OPCML: variants seen among roughly 807,000 people sequenced by gnomAD.
OPCML encodes the protein opioid binding protein/cell adhesion molecule like.
OPCML carries 13 observed loss-of-function variants against 37.8 expected under a neutral mutation model. That is an observed-to-expected ratio of 0.34 (90% CI 0.22 to 0.55). OPCML has a LOEUF of 0.55. Ranked by LOEUF, OPCML falls within the 20% of genes least tolerant of loss-of-function variation. OPCML has a pLI of 0.91. For missense variants in OPCML, 341 were observed against 435.6 expected (o/e 0.78, Z 1.93); for synonymous variants, 176 against 168.8 (o/e 1.04, Z -0.33).
At chr11:133,246,195 G>A (rs1940919312) in intron 1 of OPCML, among the ~76,000 whole-genome samples, 1 of 152,136 alleles carries the variant, frequency 6.6e-6, no homozygotes, top group Admixed American at 6.5e-5. Context: ...AAAATGAAGA[G>A]TTCAAAACTA....
intron 1 of OPCML, among the ~76,000 whole-genome samples, chr11:133,431,365 C>G (rs1343116096): frequency 6.6e-6 from 1 of 152,136 alleles, no homozygotes; most frequent in Non-Finnish European, 1.5e-5. Context: ...TTGAGAGAGA[C>G]ACAGCTATTT....
intron 1 of OPCML, among the ~76,000 whole-genome samples, chr11:133,225,176 C>T (rs1369540961): frequency 6.6e-6 from 1 of 152,192 alleles, no homozygotes; most frequent in Non-Finnish European, 1.5e-5. Flanking sequence ...GGCAATCAGG[C>T]ACTTTGCTAC....
At chr11:132,551,618 C>T (rs2096381839) in intron 3 of OPCML, among the ~76,000 whole-genome samples, 1 of 152,134 alleles carries the variant, frequency 6.6e-6, no homozygotes, top group Admixed American at 6.5e-5. Flanking sequence ...TGGCACCACC[C>T]AGTTTGATCA....
At chr11:133,414,666 C>T (rs1945723053) in intron 1 of OPCML, among the ~76,000 whole-genome samples, 1 of 152,134 alleles carries the variant, frequency 6.6e-6, no homozygotes, top group South Asian at 2.1e-4. Flanking sequence ...AGTTCTCAGG[C>T]TTTGACAACT....
intron 2 of OPCML, among the ~76,000 whole-genome samples, chr11:132,807,627 C>A (rs553465348): frequency 6.6e-6 from 1 of 152,310 alleles, no homozygotes; most frequent in African/African-American, 2.4e-5. Flanking sequence ...CTCTGAATAG[C>A]CTTCCAGTGA....
intron 3 of OPCML, among the ~76,000 whole-genome samples, chr11:132,544,873 C>T (rs74658686): frequency 0.015 from 2,321 of 152,178 alleles, 53 homozygotes; most frequent in African/African-American, 0.048. Flanking sequence ...TAACATTTCT[C>T]GCTGTACTCA....
At chr11:133,132,283 T>C (rs1594524) in intron 1 of OPCML, among the ~76,000 whole-genome samples, 50,704 of 152,022 alleles carry the variant, frequency 0.33, 10,280 homozygotes, top group African/African-American at 0.57. Flanking sequence ...AACAGATGCC[T>C]GACATCGTGA....
At position 132,440,474 on chromosome 11, in the gene OPCML, C is replaced by T. The variant is rs371848928; in HGVS notation, c.506-3115G>A. On this transcript the variant is annotated intron_variant, in intron 4 of 7. Coordinates refer to ENST00000524381, the MANE Select transcript of OPCML (RefSeq NM_001012393.5). ...CCCTGAGCAGTGAAGCTGTGATGCA[C>T]TGTGCCGCGCTGTTCGTGGGCTCTC... 5.9e-5 allele frequency among the ~76,000 whole-genome samples: 9 copies of T among 152,164 alleles called. No individual in the cohort carries two copies. In the East Asian group the frequency reaches 9.7e-4, roughly 16 times the overall value.
chr11:132,493,937 G>A (rs774824030), intron 4 of OPCML, among the ~76,000 whole-genome samples: 12 of 152,264 alleles, frequency 7.9e-5, no homozygotes, highest in South Asian at 6.2e-4. Context: ...AACAATTTCC[G>A]CTTGTTGTGG....
intron 4 of OPCML, among the ~76,000 whole-genome samples, chr11:132,502,245 C>G (rs1305750431): frequency 1.3e-5 from 2 of 152,190 alleles, no homozygotes; most frequent in Non-Finnish European, 2.9e-5. Context: ...GTTCTACAGG[C>G]TTCTCTCCAC....
intron 2 of OPCML, among the ~76,000 whole-genome samples, chr11:132,676,452 A>G (rs541062565): frequency 2.0e-3 from 306 of 152,150 alleles, no homozygotes; most frequent in Non-Finnish European, 3.5e-3. Context: ...ATAAAAATTA[A>G]CAACTTTTGT....
At chr11:132,963,480 TA>T (rs1461196520) in intron 1 of OPCML, among the ~76,000 whole-genome samples, 1 of 151,416 alleles carries the variant, frequency 6.6e-6, no homozygotes, top group Non-Finnish European at 1.5e-5. Flanking sequence ...TAATCCCAGC[TA>T]CTCAGGAGGC....
chr11:132,972,664 A>G (rs1946370132), intron 1 of OPCML, among the ~76,000 whole-genome samples: 1 of 151,984 alleles, frequency 6.6e-6, no homozygotes. Flanking sequence ...ATTTCCCTCT[A>G]CCCTCTTTCA....
intron 1 of OPCML, among the ~76,000 whole-genome samples, chr11:132,990,017 A>G (rs7114643): frequency 0.26 from 39,634 of 152,096 alleles, 5,773 homozygotes; most frequent in African/African-American, 0.39. Context: ...GAAGGGCTGA[A>G]GTTCACTGAA....
intron 1 of OPCML, among the ~76,000 whole-genome samples, chr11:133,304,231 A>G (rs1942855521): frequency 6.6e-6 from 1 of 152,214 alleles, no homozygotes; most frequent in Non-Finnish European, 1.5e-5. Flanking sequence ...TGAAGCTTAC[A>G]TTCACTATAA....
At chr11:133,009,039 A>G (rs920762566) in intron 1 of OPCML, 8 of 985,312 alleles carry the variant, frequency 8.1e-6, no homozygotes, top group Non-Finnish European at 9.6e-6. Context: ...TGATTACTTA[A>G]ACATATTTAC....
intron 3 of OPCML, among the ~76,000 whole-genome samples, chr11:132,650,780 T>C (rs1282690235): frequency 2.0e-5 from 3 of 152,204 alleles, no homozygotes; most frequent in African/African-American, 7.2e-5. Context: ...TCTGCTGGCC[T>C]GTCCTGTTGT....
chr11:133,240,986 C>T (rs1940709274), intron 1 of OPCML, among the ~76,000 whole-genome samples: 1 of 152,236 alleles, frequency 6.6e-6, no homozygotes, highest in African/African-American at 2.4e-5. Flanking sequence ...GCTTTTAGAG[C>T]TTCCATCCAT....
chr11:133,494,098 A>G (rs966536364), intron 1 of OPCML, among the ~76,000 whole-genome samples: 1 of 151,830 alleles, frequency 6.6e-6, no homozygotes, highest in Non-Finnish European at 1.5e-5. Context: ...ACATTTATGC[A>G]GCCAAAAAAA....
Sources: gnomAD v4.1 joint callset for allele counts (sites outside exome capture counted in the v4.1 genomes callset) on GRCh38, gnomAD v4.1.1 for gene constraint, MANE v1.5 for transcripts, NCBI Gene and HGNC (gene_info 2026-07-23, HGNC 2026-07-21) for gene names.